Variants in SEMA6D observed in about 807,000 individuals in gnomAD.
SEMA6D encodes semaphorin 6D.
Under a neutral mutation model 106.6 loss-of-function variants are expected in SEMA6D, and 35 were observed. That is an observed-to-expected ratio of 0.33 (90% CI 0.25 to 0.44). The LOEUF is 0.44. SEMA6D is among the 20% of genes least tolerant of loss of function. The probability of loss-of-function intolerance (pLI) is 1.00; values close to 1 mark genes in which losing one functional copy is unlikely to be tolerated. For synonymous variants in SEMA6D, 499 were observed against 487.7 expected (o/e 1.02, Z -0.31); for missense variants, 1,185 against 1,345.9 (o/e 0.88, Z 1.87).
chr15:47,320,067 A>G (rs2036863224), intron 1 of SEMA6D, among the ~76,000 whole-genome samples: 1 of 152,044 alleles, frequency 6.6e-6, no homozygotes, highest in Non-Finnish European at 1.5e-5. Context: ...ATCTTTAAAA[A>G]CATATGTTCA....
chr15:47,613,531 G>T (rs1219580395), intron 4 of SEMA6D, among the ~76,000 whole-genome samples: 1 of 152,128 alleles, frequency 6.6e-6, no homozygotes, highest in Non-Finnish European at 1.5e-5. Flanking sequence ...ACTAAGATGA[G>T]TAACATTTAA....
intron 3 of SEMA6D, among the ~76,000 whole-genome samples, chr15:47,597,585 G>A (rs955978852): frequency 6.6e-6 from 1 of 151,862 alleles, no homozygotes; most frequent in Non-Finnish European, 1.5e-5. Context: ...GAACCTAGAG[G>A]ACATTATGTT....
chr15:47,356,998 C>G (rs2038599085), intron 1 of SEMA6D, among the ~76,000 whole-genome samples: 2 of 152,040 alleles, frequency 1.3e-5, no homozygotes, highest in Admixed American at 1.3e-4. Flanking sequence ...ATCTTCAATT[C>G]CTCTCTATTT....
At chr15:47,718,489 G>T (rs533103220) in intron 1 of SEMA6D, 1 of 152,188 alleles carries the variant, frequency 6.6e-6, no homozygotes, top group Admixed American at 6.5e-5. Flanking sequence ...GGCCCGGAGG[G>T]CGGCCGCTTC....
At chr15:47,290,807 C>T (rs1043863659) in intron 1 of SEMA6D, among the ~76,000 whole-genome samples, 3 of 151,982 alleles carry the variant, frequency 2.0e-5, no homozygotes. Context: ...TATGTGGGAC[C>T]GGAAAAACAA....
intron 4 of SEMA6D, among the ~76,000 whole-genome samples, chr15:47,662,857 G>GCA (rs140613951): frequency 0.081 from 10,772 of 133,692 alleles, 470 homozygotes; most frequent in African/African-American, 0.14. Context: ...GTGTATGAGC[G>GCA]CACACACACA....
At chr15:47,185,013 G>A (rs572837239) in intron 1 of SEMA6D, among the ~76,000 whole-genome samples, 1 of 152,220 alleles carries the variant, frequency 6.6e-6, no homozygotes, top group East Asian at 1.9e-4. Flanking sequence ...GAAGGGGTGG[G>A]GGCACCCAGA....
chr15:47,455,074 G>A (rs2042307190), intron 2 of SEMA6D, among the ~76,000 whole-genome samples: 1 of 151,406 alleles, frequency 6.6e-6, no homozygotes, highest in African/African-American at 2.4e-5. Context: ...ATAAATGTTA[G>A]CTATTATTAT....
Position 47,449,053 on chromosome 15 carries a change from C to T in SEMA6D, c.-158-21421C>T, listed in dbSNP as rs141457087. On this transcript the variant is annotated intron_variant, in intron 2 of 19. Coordinates refer to the SEMA6D transcript ENST00000558014. ...ACAGACTTTGACACCCTCCTACGCACGTTCTGAAGAGACTTTGATGAAGCA... is the reference window on the plus strand; with the variant it reads ...ACAGACTTTGACACCCTCCTACGCATGTTCTGAAGAGACTTTGATGAAGCA... Among the ~76,000 whole-genome samples the T allele has an allele frequency of 4.7e-3, 718 of 152,152 alleles. 1 individual carries two copies. The highest frequency in any genetic ancestry group is 7.3e-3 in the Non-Finnish European group (496 of 67,980).
chr15:47,698,900 C>T (rs891249919), intron 4 of SEMA6D, among the ~76,000 whole-genome samples: 19 of 152,114 alleles, frequency 1.2e-4, no homozygotes, highest in Admixed American at 8.5e-4. Flanking sequence ...TTTCCAGCCG[C>T]TGTCATAACC....
chr15:47,454,599 G>GCACACACACACA (rs71118183), intron 2 of SEMA6D, among the ~76,000 whole-genome samples: 2,889 of 148,958 alleles, frequency 0.019, 53 homozygotes, highest in East Asian at 0.071. Flanking sequence ...TTGCACATGT[G>GCACACACACACA]CACACACACA....
At chr15:47,532,332 A>C (rs1160454597) in intron 3 of SEMA6D, among the ~76,000 whole-genome samples, 1 of 152,162 alleles carries the variant, frequency 6.6e-6, no homozygotes, top group African/African-American at 2.4e-5. Flanking sequence ...AAATCTCCTA[A>C]AATCTAATTG....
At chr15:47,766,593 TTC>T in intron 15 of SEMA6D, 21 bp from the exon 16 acceptor site, 2 of 1,612,202 alleles carry the variant, frequency 1.2e-6, no homozygotes, top group Non-Finnish European at 1.7e-6. Context: ...AACCGAAGAC[TTC>T]TTTGCTTTCC....
chr15:47,413,493 C>CT (rs944031186), intron 2 of SEMA6D, among the ~76,000 whole-genome samples: 26 of 151,628 alleles, frequency 1.7e-4, no homozygotes, highest in South Asian at 2.1e-4. Context: ...TTCCTTCTTT[C>CT]TTTTTTTTGA....
chr15:47,684,581 A>G, intron 4 of SEMA6D, among the ~76,000 whole-genome samples: 1 of 152,196 alleles, frequency 6.6e-6, no homozygotes, highest in Non-Finnish European at 1.5e-5. Flanking sequence ...CCTGGAGTTT[A>G]TAATAATGCC....
chr15:47,297,282 C>T (rs1490067685), intron 1 of SEMA6D, among the ~76,000 whole-genome samples: 5 of 152,152 alleles, frequency 3.3e-5, no homozygotes, highest in African/African-American at 7.2e-5. Flanking sequence ...ACAGATGTTT[C>T]GACTACAAAT....
At chr15:47,510,996 A>G (rs1268242460) in intron 3 of SEMA6D, among the ~76,000 whole-genome samples, 2 of 152,226 alleles carry the variant, frequency 1.3e-5, no homozygotes, top group African/African-American at 4.8e-5. Context: ...AATTTATGAG[A>G]TGAAAATCTG....
At chr15:47,254,352 T>A (rs562038976) in intron 1 of SEMA6D, among the ~76,000 whole-genome samples, 116 of 148,002 alleles carry the variant, frequency 7.8e-4, no homozygotes, top group African/African-American at 2.7e-3. Flanking sequence ...TATATATATA[T>A]AAATGATTGT....
At chr15:47,514,284 A>G (rs747550948) in intron 3 of SEMA6D, among the ~76,000 whole-genome samples, 1 of 152,202 alleles carries the variant, frequency 6.6e-6, no homozygotes, top group Non-Finnish European at 1.5e-5. Flanking sequence ...CGATTGGTCT[A>G]TTCTTTTCTA....
Sources: gnomAD v4.1 joint callset for allele counts (sites outside exome capture counted in the v4.1 genomes callset) on GRCh38, gnomAD v4.1.1 for gene constraint, MANE v1.5 for transcripts, NCBI Gene and HGNC (gene_info 2026-07-23, HGNC 2026-07-21) for gene names.